The following CSMD1 variants were observed in gnomAD, a reference collection of about 807,000 sequenced individuals.
The protein encoded by CSMD1 is CUB and Sushi multiple domains 1, also known as CUB and sushi domain-containing protein 1.
Under a neutral mutation model 417.5 loss-of-function variants are expected in CSMD1, and 213 were observed. The observed-to-expected ratio is 0.51, with a 90% CI of 0.46 to 0.57. The LOEUF (loss-of-function observed/expected upper bound fraction) is 0.57, where lower values mean the gene tolerates loss of function less well. Ranked by LOEUF, CSMD1 falls within the 20% of genes least tolerant of loss-of-function variation. The pLI, the probability that CSMD1 is intolerant of heterozygous loss-of-function variation, is 0.00. For synonymous variants in CSMD1, 2,862 were observed against 1,736.8 expected, an observed-to-expected ratio of 1.65 and a Z score of -16.11; for missense variants, 6,923 against 4,529.7, an observed-to-expected ratio of 1.53 and a Z score of -15.17.
intron 5 of CSMD1, among the ~76,000 whole-genome samples, chr8:3,815,297 T>C (rs1324857564): frequency 6.6e-6 from 1 of 152,142 alleles, no homozygotes; most frequent in Non-Finnish European, 1.5e-5. Flanking sequence ...GAATAACCAA[T>C]GGTGTTGAGT....
chr8:4,046,572 A>AT (rs1418370974), intron 3 of CSMD1, among the ~76,000 whole-genome samples: 3 of 152,108 alleles, frequency 2.0e-5, no homozygotes, highest in African/African-American at 7.2e-5. Flanking sequence ...GCTTCCAGGT[A>AT]TTTTTCTTTA....
intron 22 of CSMD1, among the ~76,000 whole-genome samples, chr8:3,344,084 G>C (rs373140228): frequency 1.3e-5 from 2 of 152,170 alleles, no homozygotes; most frequent in Non-Finnish European, 2.9e-5. Context: ...TGTAAAACGA[G>C]AGTAGATGTA....
At chr8:4,990,319 A>G (rs185364618) in intron 1 of CSMD1, among the ~76,000 whole-genome samples, 3 of 152,268 alleles carry the variant, frequency 2.0e-5, no homozygotes, top group East Asian at 3.9e-4. Flanking sequence ...GGAAAAAAAC[A>G]TGATCTGCTC....
At chr8:4,343,743 T>TG (rs1800619418) in intron 3 of CSMD1, among the ~76,000 whole-genome samples, 1 of 152,070 alleles carries the variant, frequency 6.6e-6, no homozygotes, top group South Asian at 2.1e-4. Context: ...AAATATCATC[T>TG]TGATGTGTGC....
rs117340883 is a variant in CSMD1, at chr8:3,294,792, C to G, written c.3951-10446G>C. 4.2e-3 allele frequency among the ~76,000 whole-genome samples: 647 copies of G among 152,280 alleles called. 2 individuals are homozygous for G. Among genetic ancestry groups the G allele is most frequent in the Non-Finnish European group, 7.3e-3 (500 of 68,030 alleles). On this transcript the variant is annotated intron_variant, in intron 25 of 69. Transcript: ENST00000635120. ...CTTCCTGGGTGAGTTGATGCCTCCC[C>G]CTGCTTTGGCTCCCGCTTGGTGGGC...
At chr8:4,394,548 G>C (rs890638340) in intron 3 of CSMD1, among the ~76,000 whole-genome samples, 8 of 152,158 alleles carry the variant, frequency 5.3e-5, no homozygotes, top group African/African-American at 1.7e-4. Context: ...CATTGCTTTG[G>C]AGCAAATGGA....
At chr8:3,783,507 G>T (rs114944190) in intron 5 of CSMD1, among the ~76,000 whole-genome samples, 2 of 152,194 alleles carry the variant, frequency 1.3e-5, no homozygotes, top group Non-Finnish European at 2.9e-5. Context: ...GAGGGGAAAG[G>T]ACCTGAATCC....
At chr8:4,434,829 C>T (rs1798064374) in intron 2 of CSMD1, among the ~76,000 whole-genome samples, 1 of 152,170 alleles carries the variant, frequency 6.6e-6, no homozygotes, top group Non-Finnish European at 1.5e-5. Context: ...AGGGCTCAAC[C>T]ATCCATAGCT....
chr8:4,342,808 C>T (rs1189565889), intron 3 of CSMD1, among the ~76,000 whole-genome samples: 3 of 151,750 alleles, frequency 2.0e-5, no homozygotes, highest in African/African-American at 7.3e-5. Flanking sequence ...TGGTTCGTTC[C>T]TGCCACAACA....
intron 23 of CSMD1, among the ~76,000 whole-genome samples, chr8:3,329,213 A>G (rs1806732740): frequency 6.6e-6 from 1 of 152,164 alleles, no homozygotes; most frequent in Admixed American, 6.6e-5. Flanking sequence ...TATTATCAAT[A>G]ACAGAGGAGG....
chr8:3,562,017 C>T (rs941517467), intron 10 of CSMD1, among the ~76,000 whole-genome samples: 1 of 152,002 alleles, frequency 6.6e-6, no homozygotes, highest in African/African-American at 2.4e-5. Flanking sequence ...AGGAGGAGTC[C>T]TGACTTTACA....
At chr8:4,001,994 C>G (rs1217267833) in intron 4 of CSMD1, among the ~76,000 whole-genome samples, 2 of 151,850 alleles carry the variant, frequency 1.3e-5, no homozygotes, top group African/African-American at 4.8e-5. Context: ...TAGAATCAGG[C>G]CAAAATAATA....
Position 4,248,228 on chromosome 8 carries a change from G to A in CSMD1, c.415+171725C>T, listed in dbSNP as rs1022110058. Among the ~76,000 whole-genome samples the A allele has an allele frequency of 2.6e-5, 4 of 152,230 alleles. No homozygotes were observed. In the South Asian group the frequency reaches 6.2e-4, roughly 24 times the overall value. ...GACATGCCATTTCCAACAGCAGACA[G>A]TTGGCAGGACTAGTCCAGGAACATT... On this transcript the variant is annotated intron_variant, in intron 3 of 69. Transcript: ENST00000635120.
intron 1 of CSMD1, among the ~76,000 whole-genome samples, chr8:4,661,844 G>C (rs1040626855): frequency 6.6e-6 from 1 of 152,204 alleles, no homozygotes. Context: ...AGAAGTTGTA[G>C]AATGTTAATG....
intron 3 of CSMD1, among the ~76,000 whole-genome samples, chr8:4,052,958 T>A (rs146811572): frequency 6.6e-6 from 1 of 152,136 alleles, no homozygotes; most frequent in South Asian, 2.1e-4. Flanking sequence ...GAGGTATAAA[T>A]GGACCCAGAA....
intron 1 of CSMD1, among the ~76,000 whole-genome samples, chr8:4,692,483 A>C: frequency 6.6e-6 from 1 of 152,086 alleles, no homozygotes; most frequent in East Asian, 1.9e-4. Flanking sequence ...TGGGAGTTGA[A>C]GGGGTTGATA....
intron 5 of CSMD1, among the ~76,000 whole-genome samples, chr8:3,994,803 C>T (rs539309849): frequency 6.6e-6 from 1 of 152,168 alleles, no homozygotes; most frequent in Non-Finnish European, 1.5e-5. Flanking sequence ...TAATTTCACT[C>T]CAAATTAAAT....
chr8:4,465,242 T>C (rs13262098), intron 2 of CSMD1, among the ~76,000 whole-genome samples: 51,280 of 152,100 alleles, frequency 0.34, 9,121 homozygotes, highest in Middle Eastern at 0.45. Context: ...AGTTTGAGTA[T>C]GTGTCTCTTT....
intron 7 of CSMD1, among the ~76,000 whole-genome samples, chr8:3,658,321 T>A (rs535761532): frequency 2.2e-4 from 33 of 152,094 alleles, no homozygotes; most frequent in African/African-American, 7.7e-4. Context: ...GCATATAGAT[T>A]TACTTAAATC....
Sources: gnomAD v4.1 joint callset for allele counts (sites outside exome capture counted in the v4.1 genomes callset) on GRCh38, gnomAD v4.1.1 for gene constraint, MANE v1.5 for transcripts, NCBI Gene and HGNC (gene_info 2026-07-23, HGNC 2026-07-21) for gene names.